DPYD: variants seen among roughly 807,000 people sequenced by gnomAD.
DPYD encodes the protein dihydropyrimidine dehydrogenase, also known as dihydropyrimidine dehydrogenase [NADP(+)].
In DPYD, 109 loss-of-function variants were observed where a neutral mutation model predicts 116.2. The ratio of observed to expected loss-of-function variants is 0.94; its 90% CI spans 0.80 to 1.10. DPYD has a LOEUF of 1.10. DPYD is among the 50% of genes least tolerant of loss of function. DPYD has a pLI of 0.00. For missense variants in DPYD, 1,302 were observed against 1,254.5 expected (o/e 1.04, Z -0.57); for synonymous variants, 440 against 432.0 (o/e 1.02, Z -0.23).
At chr1:97,440,498 T>A (rs1474639418) in intron 14 of DPYD, among the ~76,000 whole-genome samples, 1 of 152,128 alleles carries the variant, frequency 6.6e-6, no homozygotes, top group Non-Finnish European at 1.5e-5. Flanking sequence ...TGGCTATAAC[T>A]CTTTGAGGCT....
intron 16 of DPYD, among the ~76,000 whole-genome samples, chr1:97,330,597 T>C (rs1302030602): frequency 1.3e-5 from 2 of 152,144 alleles, no homozygotes; most frequent in Admixed American, 6.6e-5. Context: ...AAATAAGTAA[T>C]ATAATTTCAA....
At chr1:97,603,967 A>G (rs781330392) in intron 8 of DPYD, among the ~76,000 whole-genome samples, 28 of 152,152 alleles carry the variant, frequency 1.8e-4, no homozygotes, top group Admixed American at 6.6e-5. Context: ...ACGGAAATGA[A>G]AGCTAAGAAT....
intron 18 of DPYD, among the ~76,000 whole-genome samples, chr1:97,245,482 T>C (rs1008226995): frequency 6.6e-6 from 1 of 152,140 alleles, no homozygotes; most frequent in African/African-American, 2.4e-5. Context: ...TATTCTCACC[T>C]ATGACAGACT....
chr1:97,685,613 T>G (rs896915156), intron 7 of DPYD, among the ~76,000 whole-genome samples: 1 of 152,176 alleles, frequency 6.6e-6, no homozygotes, highest in South Asian at 2.1e-4. Context: ...CCCAATAGGT[T>G]AAGTTGATAA....
chr1:97,585,570 T>A (rs990794556), intron 10 of DPYD, among the ~76,000 whole-genome samples: 11 of 152,214 alleles, frequency 7.2e-5, no homozygotes, highest in Non-Finnish European at 1.0e-4. Flanking sequence ...AAAAAAATTT[T>A]AAAATTTTTT....
intron 14 of DPYD, among the ~76,000 whole-genome samples, chr1:97,440,487 T>C (rs1675718275): frequency 6.6e-6 from 1 of 152,144 alleles, no homozygotes. Flanking sequence ...TGTTGGTTTT[T>C]TGGCTATAAC....
At chr1:97,346,671 A>G (rs1475237104) in intron 16 of DPYD, among the ~76,000 whole-genome samples, 2 of 151,810 alleles carry the variant, frequency 1.3e-5, no homozygotes, top group Non-Finnish European at 2.9e-5. Context: ...ATAGATAATG[A>G]TTGTCTTACT....
chr1:97,846,695 A>G (rs1670318574), intron 2 of DPYD, among the ~76,000 whole-genome samples: 1 of 152,262 alleles, frequency 6.6e-6, no homozygotes, highest in African/African-American at 2.4e-5. Flanking sequence ...ATTTTGTTCA[A>G]CAATGATAAT....
chr1:97,904,236 C>A (rs1489456692), intron 1 of DPYD, among the ~76,000 whole-genome samples: 2 of 151,914 alleles, frequency 1.3e-5, no homozygotes, highest in Non-Finnish European at 2.9e-5. Context: ...TGATGGAAAT[C>A]AAACACATTT....
intron 2 of DPYD, among the ~76,000 whole-genome samples, chr1:97,857,955 C>G (rs994041189): frequency 6.6e-6 from 1 of 151,838 alleles, no homozygotes; most frequent in African/African-American, 2.4e-5. Context: ...TATGGGGCTT[C>G]TTGGTCAAAC....
intron 18 of DPYD, 69 bp from the exon 19 acceptor site, chr1:97,235,063 T>C: frequency 1.9e-6 from 3 of 1,581,666 alleles, no homozygotes. Flanking sequence ...ATATTACTTC[T>C]ATTACTATGA....
intron 2 of DPYD, among the ~76,000 whole-genome samples, chr1:97,829,007 C>T (rs763609958): frequency 4.6e-5 from 7 of 151,086 alleles, no homozygotes; most frequent in Admixed American, 1.3e-4. Context: ...TGAGAGAACC[C>T]GAATAGGTTT....
chr1:97,190,455 T>C (rs1658274304), intron 20 of DPYD, among the ~76,000 whole-genome samples: 1 of 152,152 alleles, frequency 6.6e-6, no homozygotes, highest in South Asian at 2.1e-4. Context: ...TAGTGGGGCC[T>C]GGGAACCTAC....
intron 8 of DPYD, among the ~76,000 whole-genome samples, chr1:97,608,599 C>A (rs1655748068): frequency 6.6e-6 from 1 of 151,914 alleles, no homozygotes; most frequent in African/African-American, 2.4e-5. Context: ...GCCTTAGTTT[C>A]CTCACCTGTG....
chr1:97,184,167 T>A lies in DPYD; in HGVS notation c.2622+8902A>T, dbSNP rs55740401. ...ACATTTTCTTTATCCAATCTGTCAC[T>A]GATGGCCATTTAGGTTGATTTAATG... On this transcript the variant is annotated intron_variant, in intron 20 of 22. Coordinates refer to ENST00000370192, the MANE Select transcript of DPYD (RefSeq NM_000110.4). Among the ~76,000 whole-genome samples the A allele has an allele frequency of 5.8e-3, 889 of 152,268 alleles. 13 individuals are homozygous for A. Among genetic ancestry groups the A allele is most frequent in the African/African-American group, 0.021 (865 of 41,554 alleles).
intron 18 of DPYD, among the ~76,000 whole-genome samples, chr1:97,293,995 A>G (rs1666371982): frequency 6.6e-6 from 1 of 152,044 alleles, no homozygotes; most frequent in Admixed American, 6.6e-5. Flanking sequence ...CTTGTATGCA[A>G]CTGAATATTA....
chr1:97,532,142 C>G (rs748693683), intron 12 of DPYD, among the ~76,000 whole-genome samples: 4 of 152,042 alleles, frequency 2.6e-5, no homozygotes, highest in Non-Finnish European at 2.9e-5. Flanking sequence ...TTTTGCCCAT[C>G]ATTCTGTTAA....
chr1:97,903,848 TCTGACGG>T (rs1673481437), intron 1 of DPYD, among the ~76,000 whole-genome samples: 4 of 152,056 alleles, frequency 2.6e-5, no homozygotes, highest in African/African-American at 9.6e-5. Context: ...TGTCCAAAAA[TCTGACGG>T]CTGAATAAAA....
At chr1:97,357,022 C>T (rs1241689972) in intron 16 of DPYD, among the ~76,000 whole-genome samples, 1 of 152,120 alleles carries the variant, frequency 6.6e-6, no homozygotes, top group Non-Finnish European at 1.5e-5. Context: ...GTTCCATACA[C>T]ATTTTAGAAT....
Sources: gnomAD v4.1 joint callset for allele counts (sites outside exome capture counted in the v4.1 genomes callset) on GRCh38, gnomAD v4.1.1 for gene constraint, MANE v1.5 for transcripts, NCBI Gene and HGNC (gene_info 2026-07-23, HGNC 2026-07-21) for gene names.